Variants in CSMD3 observed in about 807,000 individuals in gnomAD.
CSMD3 encodes CUB and sushi domain-containing protein 3.
CSMD3 carries 177 observed loss-of-function variants against 435.2 expected under a neutral mutation model. The ratio of observed to expected loss-of-function variants is 0.41; its 90% confidence interval spans 0.36 to 0.46. The LOEUF (loss-of-function observed/expected upper bound fraction) is 0.46. CSMD3 is among the 20% of genes least tolerant of loss of function. The pLI, the probability that CSMD3 is intolerant of heterozygous loss-of-function variation, is 0.34. For missense variants in CSMD3, 4,265 were observed against 4,504.6 expected (o/e 0.95, Z 1.52); for synonymous variants, 1,656 against 1,520.5 (o/e 1.09, Z -2.07).
rs574259878 is a variant in CSMD3, at chr8:113,166,842, ACTCTTAGTATGTTTGTC to A, written c.709+6863_709+6879del. On this transcript the variant is annotated intron_variant, in intron 4 of 70. Transcript: ENST00000297405. ...ATTCAAAAATATAACTTTACAAATG[ACTCTTAGTATGTTTGTC>A]CTCTTTTGGTTGTGAACATGATAAA... Among the ~76,000 whole-genome samples the A allele has an allele frequency of 3.3e-5, 5 of 152,092 alleles. No homozygotes were observed. The South Asian group carries it at 1.0e-3, about 32-fold the overall frequency.
chr8:112,724,278 A>G (rs1771352342), intron 13 of CSMD3, among the ~76,000 whole-genome samples: 1 of 152,000 alleles, frequency 6.6e-6, no homozygotes, highest in African/African-American at 2.4e-5. Context: ...GAAGAGTGAG[A>G]ATGAAAGAAA....
At chr8:112,540,065 A>G (rs574842515) in intron 27 of CSMD3, among the ~76,000 whole-genome samples, 5 of 152,056 alleles carry the variant, frequency 3.3e-5, no homozygotes, top group African/African-American at 9.6e-5. Flanking sequence ...AAAAAACACA[A>G]CAAAACAAAC....
chr8:112,355,817 A>G (rs1031404096), intron 38 of CSMD3, among the ~76,000 whole-genome samples: 1 of 152,066 alleles, frequency 6.6e-6, no homozygotes, highest in Non-Finnish European at 1.5e-5. Flanking sequence ...TGGGCGACAG[A>G]GCTGGAGTCT....
chr8:112,313,411 C>T (rs1471682188), intron 49 of CSMD3, among the ~76,000 whole-genome samples: 4 of 152,060 alleles, frequency 2.6e-5, no homozygotes, highest in African/African-American at 9.7e-5. Context: ...AAGATTTTGA[C>T]CTCTGTATGT....
At chr8:113,294,171 T>G (rs1320406088) in intron 2 of CSMD3, among the ~76,000 whole-genome samples, 1 of 152,156 alleles carries the variant, frequency 6.6e-6, no homozygotes, top group East Asian at 1.9e-4. Flanking sequence ...ATTAGGAACA[T>G]GAAACTATCT....
At chr8:113,254,480 T>C (rs2093363058) in intron 3 of CSMD3, among the ~76,000 whole-genome samples, 2 of 152,164 alleles carry the variant, frequency 1.3e-5, no homozygotes, top group Non-Finnish European at 2.9e-5. Context: ...ATCTGCATAA[T>C]AAAAGATTAG....
chr8:112,405,246 T>TATATATATAC (rs1199452249), intron 35 of CSMD3, among the ~76,000 whole-genome samples: 33 of 81,532 alleles, frequency 4.0e-4, no homozygotes, highest in African/African-American at 1.5e-3. Flanking sequence ...TATATATATA[T>TATATATATAC]ACATATATAT....
At chr8:112,331,826 G>A (rs1194234169) in intron 45 of CSMD3, among the ~76,000 whole-genome samples, 2 of 151,986 alleles carry the variant, frequency 1.3e-5, no homozygotes, top group African/African-American at 4.8e-5. Flanking sequence ...TAAAATAAGT[G>A]TTAAGCTTAT....
chr8:113,358,426 A>G (rs906163530), intron 1 of CSMD3, among the ~76,000 whole-genome samples: 2 of 152,126 alleles, frequency 1.3e-5, no homozygotes, highest in African/African-American at 4.8e-5. Flanking sequence ...GATCTCAGCT[A>G]ACTGCAACCT....
chr8:113,343,750 G>GA (rs1166669489), intron 1 of CSMD3, among the ~76,000 whole-genome samples: 3 of 152,028 alleles, frequency 2.0e-5, no homozygotes, highest in Admixed American at 6.6e-5. Flanking sequence ...AATGGGCCAA[G>GA]AAAAAAATCA....
chr8:112,671,231 G>A (rs1031339541), intron 16 of CSMD3, among the ~76,000 whole-genome samples: 32 of 152,100 alleles, frequency 2.1e-4, no homozygotes, highest in African/African-American at 7.7e-4. Context: ...AGAGCATTTA[G>A]TTTAGAAAAC....
chr8:113,330,255 T>G (rs1173501835), intron 1 of CSMD3, among the ~76,000 whole-genome samples: 1 of 152,000 alleles, frequency 6.6e-6, no homozygotes, highest in South Asian at 2.1e-4. Context: ...TGAACTAGAA[T>G]GTTGAAGTAA....
intron 21 of CSMD3, among the ~76,000 whole-genome samples, chr8:112,638,405 C>T (rs529883342): frequency 5.3e-5 from 8 of 150,524 alleles, no homozygotes; most frequent in African/African-American, 1.9e-4. Context: ...CTAGTTTTGA[C>T]CTTTGTTAGA....
chr8:113,117,917 A>G (rs1360942036), intron 4 of CSMD3, among the ~76,000 whole-genome samples: 1 of 152,190 alleles, frequency 6.6e-6, no homozygotes, highest in Non-Finnish European at 1.5e-5. Flanking sequence ...TCCCCATTGT[A>G]TAATATCTAG....
At chr8:112,259,729 AT>A (rs2130335602) in intron 61 of CSMD3, among the ~76,000 whole-genome samples, 1 of 152,318 alleles carries the variant, frequency 6.6e-6, no homozygotes, top group South Asian at 2.1e-4. Flanking sequence ...GCTAGTTGAC[AT>A]TCAAGTCCTT....
chr8:113,408,757 A>C (rs569778081), intron 1 of CSMD3, among the ~76,000 whole-genome samples: 153 of 151,566 alleles, frequency 1.0e-3, no homozygotes, highest in African/African-American at 3.5e-3. Flanking sequence ...TCCTGGGTTC[A>C]AGGTTCAAGC....
rs922892999 is a variant in CSMD3, at chr8:112,638,934, T to C, written c.3311-23A>G. The C allele has an allele frequency of 8.0e-6, 12 of 1,493,850 alleles. No homozygotes were observed. The East Asian group carries it at 2.5e-4, about 31-fold the overall frequency. 92.5% of individuals were successfully genotyped at this position (1,493,850 alleles called of 1,614,324 possible). Reference sequence around the variant, plus strand: ...CACCTATTAAGAAAAATAGAAACACTGAATTTACAGGTAGATCAGTAAAAC... The same window carrying C: ...CACCTATTAAGAAAAATAGAAACACCGAATTTACAGGTAGATCAGTAAAAC... On this transcript the variant is annotated intron_variant, in intron 20 of 70. Coordinates refer to ENST00000297405, the MANE Select transcript of CSMD3 (RefSeq NM_198123.2).
chr8:112,684,213 A>T (rs1200876156), intron 15 of CSMD3, among the ~76,000 whole-genome samples: 1 of 152,184 alleles, frequency 6.6e-6, no homozygotes, highest in East Asian at 1.9e-4. Flanking sequence ...TTAGACATGT[A>T]CATGAAGTAT....
intron 20 of CSMD3, among the ~76,000 whole-genome samples, chr8:112,641,607 C>A (rs1193777286): frequency 6.6e-6 from 1 of 151,990 alleles, no homozygotes; most frequent in African/African-American, 2.4e-5. Context: ...GAGGCCTAGA[C>A]GGGTGGATTG....
Sources: allele counts gnomAD v4.1 joint callset (sites outside exome capture counted in the v4.1 genomes callset), GRCh38; gene constraint gnomAD v4.1.1; transcripts MANE v1.5; gene names NCBI Gene and HGNC (gene_info 2026-07-23, HGNC 2026-07-21).